The following MTA3 variants were observed in gnomAD, a reference collection of about 807,000 sequenced individuals.
The protein encoded by MTA3 is metastasis associated 1 family member 3.
MTA3 carries 34 observed loss-of-function variants against 83.5 expected under a neutral mutation model. That is an observed-to-expected ratio of 0.41 (90% confidence interval 0.31 to 0.54). The LOEUF is 0.54. Ranked by LOEUF, MTA3 falls within the 20% of genes least tolerant of loss-of-function variation. The pLI is 0.33. For synonymous variants in MTA3, 303 were observed against 252.7 expected (o/e 1.20, Z -1.89); for missense variants, 761 against 726.4 (o/e 1.05, Z -0.55).
chr2:42,502,348 C>T (rs926984774), intron 2 of MTA3, among the ~76,000 whole-genome samples: 7 of 152,128 alleles, frequency 4.6e-5, no homozygotes, highest in East Asian at 1.9e-4. Context: ...GTTGTTAGTC[C>T]GCCATCTGAG....
intron 16 of MTA3, 169 bp downstream of exon 16, chr2:42,723,204 G>T: frequency 1.2e-6 from 1 of 805,438 alleles, no homozygotes. Context: ...TTTTGCCAAG[G>T]GATAGTTCTC....
At chr2:42,708,594 G>T (rs1666314586) in intron 13 of MTA3, among the ~76,000 whole-genome samples, 1 of 152,096 alleles carries the variant, frequency 6.6e-6, no homozygotes. Flanking sequence ...AAAAAAAAGT[G>T]TAGTTAACCC....
At chr2:42,684,790 T>C (rs1487364007) in intron 9 of MTA3, among the ~76,000 whole-genome samples, 1 of 152,244 alleles carries the variant, frequency 6.6e-6, no homozygotes, top group Non-Finnish European at 1.5e-5. Context: ...ACTGAGTACC[T>C]GTAACATGCC....
intron 2 of MTA3, among the ~76,000 whole-genome samples, chr2:42,570,886 G>A (rs987676625): frequency 2.0e-5 from 3 of 151,734 alleles, no homozygotes; most frequent in Admixed American, 6.6e-5. Flanking sequence ...GGTGGCACAT[G>A]CCTGTAATCC....
chr2:42,499,670 C>T (rs1167407253), intron 2 of MTA3, among the ~76,000 whole-genome samples: 1 of 151,380 alleles, frequency 6.6e-6, no homozygotes, highest in Non-Finnish European at 1.5e-5. Context: ...TGCCTGTAAT[C>T]CCAGCTACTT....
At chr2:42,576,274 CAT>C (rs1365767383) in intron 2 of MTA3, among the ~76,000 whole-genome samples, 1 of 152,060 alleles carries the variant, frequency 6.6e-6, no homozygotes, top group Non-Finnish European at 1.5e-5. Context: ...AGAACCTTGA[CAT>C]AGAGAATGAC....
chr2:42,618,544 TCTCTC>T (rs1685180466), intron 4 of MTA3, among the ~76,000 whole-genome samples: 1 of 152,306 alleles, frequency 6.6e-6, no homozygotes, highest in East Asian at 1.9e-4. Context: ...AGACACTACT[TCTCTC>T]CTTATCTGTA....
chr2:42,513,976 G>A (rs191346859), intron 2 of MTA3, among the ~76,000 whole-genome samples: 8 of 152,302 alleles, frequency 5.3e-5, no homozygotes, highest in Admixed American at 5.2e-4. Context: ...CACTCTGGGA[G>A]GCCAAGGTGA....
In MTA3 at chr2:42,622,558, A is replaced by T. The variant is rs1034835117; in HGVS notation, c.317+12974A>T. Among the ~76,000 whole-genome samples, 11 of 152,272 alleles carry T rather than the reference A, an allele frequency of 7.2e-5. No homozygotes were observed. The East Asian group carries it at 1.9e-3, about 27-fold the overall frequency. Reference sequence around the variant, plus strand: ...AAATGTTAAGTTTCTTCTCAGTTTTAATTTCAACATGGTAAATGTTGATAC... The same window carrying T: ...AAATGTTAAGTTTCTTCTCAGTTTTTATTTCAACATGGTAAATGTTGATAC... On this transcript the variant is annotated intron_variant, in intron 4 of 16. Coordinates refer to ENST00000405094, the MANE Select transcript of MTA3 (RefSeq NM_001330442.2).
intron 6 of MTA3, 138 bp downstream of exon 6, chr2:42,644,382 T>TA (rs1444594714): frequency 1.1e-5 from 6 of 535,496 alleles, no homozygotes; most frequent in African/African-American, 3.9e-5. Flanking sequence ...CTGTTCTTTG[T>TA]AAAAAATAAA....
intron 4 of MTA3, among the ~76,000 whole-genome samples, chr2:42,613,271 T>A (rs1415792755): frequency 6.6e-6 from 1 of 152,184 alleles, no homozygotes; most frequent in Non-Finnish European, 1.5e-5. Flanking sequence ...ATTCAGTGAG[T>A]TTACCGGGTG....
chr2:42,683,731 C>T (rs181476172), intron 9 of MTA3, among the ~76,000 whole-genome samples: 12 of 152,132 alleles, frequency 7.9e-5, no homozygotes, highest in African/African-American at 2.7e-4. Flanking sequence ...TTCATGCTCC[C>T]GTGAGAATCT....
rs530982450 is a variant in MTA3, at chr2:42,743,805, G to A, written c.1760-9569G>A. Among the ~76,000 whole-genome samples the A allele has an allele frequency of 2.6e-5, 4 of 152,248 alleles. No individual in the cohort carries two copies. The East Asian group carries it at 7.7e-4, about 29-fold the overall frequency. On this transcript the variant is annotated intron_variant, in intron 16 of 16. Transcript: ENST00000405094. ...GGTGAAAGCCATTGTACCAGTGAGT[G>A]AGCTCTGGGAATGCATCTGCTCTCT...
chr2:42,498,612 G>A (rs186347043), intron 2 of MTA3, among the ~76,000 whole-genome samples: 2 of 152,136 alleles, frequency 1.3e-5, no homozygotes. Flanking sequence ...TTGTGATGGG[G>A]CTTTAGCATT....
intron 2 of MTA3, among the ~76,000 whole-genome samples, chr2:42,563,533 C>T (rs1677760703): frequency 6.6e-6 from 1 of 151,954 alleles, no homozygotes; most frequent in Non-Finnish European, 1.5e-5. Context: ...GTGGTGCCAT[C>T]TCAGCTCACT....
intron 4 of MTA3, among the ~76,000 whole-genome samples, chr2:42,614,536 T>C (rs1441213594): frequency 6.6e-6 from 1 of 152,234 alleles, no homozygotes; most frequent in Non-Finnish European, 1.5e-5. Context: ...CTCCTCACAA[T>C]TATGTAGCTA....
At chr2:42,622,829 A>G (rs952240131) in intron 4 of MTA3, among the ~76,000 whole-genome samples, 1 of 152,176 alleles carries the variant, frequency 6.6e-6, no homozygotes, top group Non-Finnish European at 1.5e-5. Context: ...AGTTTTGAGA[A>G]GCGTTGACAA....
chr2:42,580,379 T>A (rs1407156601), intron 3 of MTA3, among the ~76,000 whole-genome samples: 1 of 151,842 alleles, frequency 6.6e-6, no homozygotes, highest in Admixed American at 6.6e-5. Context: ...ATTTATTTAT[T>A]TATTTATTTT....
intron 11 of MTA3, 125 bp from the exon 12 acceptor site, chr2:42,704,069 T>G: frequency 8.8e-7 from 1 of 1,130,956 alleles, no homozygotes; most frequent in South Asian, 1.6e-5. Context: ...AGTTTATTTC[T>G]TCTTCACACA....
Sources: allele counts gnomAD v4.1 joint callset (sites outside exome capture counted in the v4.1 genomes callset), GRCh38; gene constraint gnomAD v4.1.1; transcripts MANE v1.5; gene names NCBI Gene and HGNC (gene_info 2026-07-23, HGNC 2026-07-21).